Variants in ATRX observed in about 807,000 individuals in gnomAD.
ATRX encodes chromatin remodeler ATRX.
ATRX carries 12 observed loss-of-function variants against 172.6 expected under a neutral mutation model. The ratio of observed to expected loss-of-function variants is 0.07; its 90% CI spans 0.04 to 0.11. The LOEUF (loss-of-function observed/expected upper bound fraction) is 0.11. Ranked by LOEUF, ATRX falls within the 10% of genes least tolerant of loss-of-function variation. The pLI is 1.00. For synonymous variants in ATRX, 674 were observed against 594.7 expected, an observed-to-expected ratio of 1.13 and a Z score of -1.94; for missense variants, 1,368 against 1,767.4, an observed-to-expected ratio of 0.77 and a Z score of 4.05.
At chrX:77,755,423 T>C (rs5959659) in intron 1 of ATRX, among the ~76,000 whole-genome samples, 1 of 112,454 alleles carries the variant, frequency 8.9e-6, no homozygotes, top group Non-Finnish European at 1.9e-5. Context: ...ATTCGGGTTT[T>C]TGGAATTTCC....
At chrX:77,604,307 C>CA (rs1251624997) in intron 22 of ATRX, among the ~76,000 whole-genome samples, 1 of 111,836 alleles carries the variant, frequency 8.9e-6, no homozygotes, top group African/African-American at 3.3e-5. Context: ...CAAAACAAAA[C>CA]AAATAATTCC....
intron 30 of ATRX, among the ~76,000 whole-genome samples, chrX:77,527,180 C>T (rs782193778): frequency 8.9e-6 from 1 of 112,129 alleles, no homozygotes; most frequent in Admixed American, 9.4e-5. Context: ...ACACACACAC[C>T]TTTGCATAAA....
intron 22 of ATRX, among the ~76,000 whole-genome samples, chrX:77,601,283 C>A (rs1301220301): frequency 1.8e-5 from 2 of 109,489 alleles, no homozygotes; most frequent in African/African-American, 3.3e-5. Flanking sequence ...CTGGACAACA[C>A]AGCGAGACTC....
chrX:77,660,938 A>C (rs2069855858), intron 12 of ATRX, among the ~76,000 whole-genome samples: 1 of 112,083 alleles, frequency 8.9e-6, no homozygotes, highest in Non-Finnish European at 1.9e-5. Flanking sequence ...CTAACAATTC[A>C]ACCTCCTATA....
intron 14 of ATRX, among the ~76,000 whole-genome samples, 158 bp from the exon 15 acceptor site, chrX:77,652,511 C>A (rs1006391809): frequency 6.9e-4 from 70 of 102,033 alleles, no homozygotes; most frequent in African/African-American, 2.3e-3. Context: ...AAAAAAAAAA[C>A]AACTCTTCGG....
At chrX:77,776,353 T>TA (rs2076350978) in intron 1 of ATRX, among the ~76,000 whole-genome samples, 1 of 112,174 alleles carries the variant, frequency 8.9e-6, no homozygotes, top group South Asian at 3.7e-4. Context: ...AAGTGCTTTA[T>TA]GCCCATTTAA....
intron 22 of ATRX, among the ~76,000 whole-genome samples, chrX:77,610,614 T>C (rs1038694650): frequency 4.5e-5 from 5 of 111,386 alleles, no homozygotes; most frequent in Middle Eastern, 4.8e-3. Flanking sequence ...CACTAAAAAA[T>C]ATTTTGTGGC....
chrX:77,706,901 G>A (rs2072855674), intron 2 of ATRX, among the ~76,000 whole-genome samples: 3 of 111,358 alleles, frequency 2.7e-5, no homozygotes, highest in African/African-American at 9.8e-5. Flanking sequence ...GCAAAACCCT[G>A]TCTCTAAAAA....
At chrX:77,620,200 G>A (rs1369912999) in intron 20 of ATRX, among the ~76,000 whole-genome samples, 195 bp downstream of exon 20, 2 of 112,001 alleles carry the variant, frequency 1.8e-5, no homozygotes, top group African/African-American at 6.5e-5. Context: ...TCTCTTAACT[G>A]TATTTTACCA....
intron 1 of ATRX, among the ~76,000 whole-genome samples, chrX:77,735,184 G>A (rs782117831): frequency 2.2e-4 from 25 of 112,328 alleles, no homozygotes; most frequent in African/African-American, 7.7e-4. Flanking sequence ...ACTCCAGGCC[G>A]GGTGCAGTGG....
chrX:77,585,865 T>C (rs782349515), intron 27 of ATRX, among the ~76,000 whole-genome samples: 141 of 110,566 alleles, frequency 1.3e-3, no homozygotes, highest in Non-Finnish European at 2.4e-3. Flanking sequence ...CTGGAGGTCA[T>C]TAAGTGAAAT....
intron 6 of ATRX, 89 bp from the exon 7 acceptor site, chrX:77,689,016 C>T: frequency 1.5e-6 from 1 of 672,218 alleles, no homozygotes; most frequent in Non-Finnish European, 2.4e-6. Flanking sequence ...TTGTATTAGA[C>T]ATGAAATACC....
chrX:77,726,486 G>A (rs1439592232), intron 1 of ATRX, among the ~76,000 whole-genome samples: 1 of 87,098 alleles, frequency 1.1e-5, no homozygotes, highest in South Asian at 8.5e-4. Context: ...GGTGGGGGGA[G>A]GGGGGAGGGA....
chrX:77,706,922 C>T (rs782542609), intron 2 of ATRX, among the ~76,000 whole-genome samples: 1 of 111,012 alleles, frequency 9.0e-6, no homozygotes, highest in African/African-American at 3.3e-5. Flanking sequence ...TAAATAAAGA[C>T]AACTCAAAGA....
At chrX:77,744,744 T>C (rs1490997518) in intron 1 of ATRX, among the ~76,000 whole-genome samples, 2 of 110,669 alleles carry the variant, frequency 1.8e-5, no homozygotes, top group Non-Finnish European at 3.8e-5. Context: ...TCCCAGCACT[T>C]TGAGACACCA....
chrX:77,748,277 A>C (rs2075162542), intron 1 of ATRX, among the ~76,000 whole-genome samples: 1 of 111,792 alleles, frequency 8.9e-6, no homozygotes, highest in African/African-American at 3.3e-5. Flanking sequence ...ATAACATGCC[A>C]CCTTTTATGG....
At chrX:77,760,484 G>T in intron 1 of ATRX, among the ~76,000 whole-genome samples, 1 of 76,530 alleles carries the variant, frequency 1.3e-5, no homozygotes, top group Non-Finnish European at 2.5e-5. Context: ...GAGGGGGGAG[G>T]GGGGAGGGAT....
At chrX:77,613,651 G>A (rs1243229019) in intron 22 of ATRX, among the ~76,000 whole-genome samples, 1 of 111,989 alleles carries the variant, frequency 8.9e-6, no homozygotes, top group African/African-American at 3.2e-5. Context: ...GTATACACAG[G>A]CAGGTCCTAG....
At chrX:77,663,261 G>T in intron 12 of ATRX, 121 bp downstream of exon 12, 1 of 760,549 alleles carries the variant, frequency 1.3e-6, no homozygotes, top group Non-Finnish European at 2.0e-6. Flanking sequence ...TGCCCAGGCT[G>T]GTCTTAAACT....
Sources: allele counts gnomAD v4.1 joint callset (sites outside exome capture counted in the v4.1 genomes callset), GRCh38; gene constraint gnomAD v4.1.1; transcripts MANE v1.5; gene names NCBI Gene and HGNC (gene_info 2026-07-23, HGNC 2026-07-21).